TRIO: variants seen among roughly 807,000 people sequenced by gnomAD.
TRIO encodes trio Rho guanine nucleotide exchange factor.
In TRIO, 58 loss-of-function variants were observed where a neutral mutation model predicts 351.9. The observed-to-expected ratio is 0.16, with a 90% CI of 0.13 to 0.21. The LOEUF (loss-of-function observed/expected upper bound fraction) is 0.21, where lower values mean the gene tolerates loss of function less well. Among genes scored for constraint, TRIO ranks in the 10% least tolerant of loss-of-function variants. The pLI, the probability that TRIO is intolerant of heterozygous loss-of-function variation, is 1.00. For synonymous variants in TRIO, 1,758 were observed against 1,595.7 expected (o/e 1.10, Z -2.42); for missense variants, 3,201 against 4,027.8 (o/e 0.79, Z 5.56).
intron 1 of TRIO, among the ~76,000 whole-genome samples, chr5:14,223,779 T>G (rs1273638517): frequency 6.6e-6 from 1 of 152,204 alleles, no homozygotes; most frequent in Non-Finnish European, 1.5e-5. Context: ...GCTTCCTCTC[T>G]TTGTAAATGT....
chr5:14,501,553 A>G (rs1483467233), intron 53 of TRIO, among the ~76,000 whole-genome samples: 1 of 152,212 alleles, frequency 6.6e-6, no homozygotes, highest in South Asian at 2.1e-4. Flanking sequence ...GCCCACTGCT[A>G]TGTGAGGAGA....
chr5:14,359,568 G>A, intron 13 of TRIO, 37 bp downstream of exon 13: 1 of 1,604,412 alleles, frequency 6.2e-7, no homozygotes, highest in South Asian at 1.1e-5. Context: ...CTGCCTGTGG[G>A]AGCCCTTGGC....
chr5:14,144,953 C>T (rs964785562), intron 1 of TRIO, among the ~76,000 whole-genome samples: 4 of 152,054 alleles, frequency 2.6e-5, no homozygotes, highest in African/African-American at 9.7e-5. Context: ...GAGCGCAGTC[C>T]TTAGCGGGCC....
At chr5:14,429,080 T>C (rs1043557631) in intron 34 of TRIO, among the ~76,000 whole-genome samples, 15 of 152,238 alleles carry the variant, frequency 9.9e-5, no homozygotes, top group African/African-American at 3.4e-4. Flanking sequence ...TGTGAAAAAT[T>C]ACAGAGAGAT....
intron 2 of TRIO, among the ~76,000 whole-genome samples, chr5:14,275,279 G>C (rs1212280668): frequency 6.6e-6 from 1 of 151,924 alleles, no homozygotes. Context: ...TTTTCTTCTT[G>C]TCTTGGTCCT....
At chr5:14,380,257 T>C (rs954624591) in intron 20 of TRIO, among the ~76,000 whole-genome samples, 2 of 152,084 alleles carry the variant, frequency 1.3e-5, no homozygotes, top group African/African-American at 4.8e-5. Context: ...CAGTTCCCTC[T>C]TCCCGGCGCC....
At chr5:14,189,180 A>G (rs900597380) in intron 1 of TRIO, among the ~76,000 whole-genome samples, 20 of 152,212 alleles carry the variant, frequency 1.3e-4, no homozygotes, top group African/African-American at 4.8e-4. Context: ...GTAAAAATGT[A>G]TCTATATGTT....
At chr5:14,274,128 A>T (rs994931252) in intron 2 of TRIO, among the ~76,000 whole-genome samples, 1 of 152,100 alleles carries the variant, frequency 6.6e-6, no homozygotes, top group Non-Finnish European at 1.5e-5. Context: ...CCCCCAAAAA[A>T]CCCGATAGGT....
rs1414775072 is a variant in TRIO, at chr5:14,409,345, G to A, written c.4959+2673G>A. 9.8e-5 allele frequency among the ~76,000 whole-genome samples: 12 copies of A among 121,894 alleles called. No individual in the cohort carries two copies. The Admixed American group carries it at 1.1e-3, about 11-fold the overall frequency. The allele number at this position is 121,894 out of a possible 152,430, so 80.0% of individuals were successfully genotyped here. On this transcript the variant is annotated intron_variant, in intron 33 of 56. Transcript: ENST00000344204. ...ATATTTGTATCCAACGAAAGAGGAA[G>A]AATAAATCACTACCAGAACAGTATA... is the stretch of plus-strand genomic sequence containing the variant.
chr5:14,365,273 G>A (rs545289878), intron 15 of TRIO, among the ~76,000 whole-genome samples: 3 of 152,342 alleles, frequency 2.0e-5, no homozygotes, highest in Non-Finnish European at 4.4e-5. Context: ...AATGGGACAT[G>A]GGGAAGGGAT....
chr5:14,419,498 A>C (rs1057203639), intron 33 of TRIO, among the ~76,000 whole-genome samples: 1 of 152,204 alleles, frequency 6.6e-6, no homozygotes, highest in Admixed American at 6.5e-5. Flanking sequence ...GATAGCCTTC[A>C]AGCAGAGTTT....
chr5:14,475,929 G>A (rs1321178615), intron 40 of TRIO, among the ~76,000 whole-genome samples: 1 of 152,222 alleles, frequency 6.6e-6, no homozygotes, highest in Non-Finnish European at 1.5e-5. Context: ...ATATATTTAA[G>A]TGATAACTAA....
In TRIO at chr5:14,419,968, G is replaced by A. The variant is rs757498072; in HGVS notation, c.5150G>A (p.Cys1717Tyr). ...AEGLVPCGSL[C>Y]IAHSRSSMEM... ...GGCCTGGTCCCCTGTGGTTCACTGTGCATCGCCCACTCCAGAAGTAGCATG... is the reference window on the plus strand; with the variant it reads ...GGCCTGGTCCCCTGTGGTTCACTGTACATCGCCCACTCCAGAAGTAGCATG... The change falls in exon 34 of 57, where the codon TGC becomes TAC. Residue 1717 changes from cysteine (C) to tyrosine (Y), a missense_variant. Physicochemically the swap from Cys to Tyr is radical, Grantham distance 194. Coordinates refer to ENST00000344204, the MANE Select transcript of TRIO (RefSeq NM_007118.4). 1 of 1,614,226 alleles carries A rather than the reference G, an allele frequency of 6.2e-7. No individual in the cohort carries two copies. Among genetic ancestry groups the A allele is most frequent in the South Asian group, 1.1e-5 (1 of 91,086 alleles).
Position 14,366,951 on chromosome 5 carries a change from A to T in TRIO, c.2846A>T (p.Glu949Val), listed in dbSNP as rs1217397707. The T allele has an allele frequency of 1.2e-6, 2 of 1,614,024 alleles. No individual in the cohort carries two copies. Among genetic ancestry groups the T allele is most frequent in the Non-Finnish European group, 8.5e-7 (1 of 1,180,044 alleles). ...CAAGAGGCAGAGCAGCTCCAGCGAG[A>T]GCACGAGCAGTTCCAGCATGCCATT... ...SLQEAEQLQR[E>V]HEQFQHAIEK... Residue 949 changes from glutamate (E) to valine (V), a missense_variant, in exon 16 of 57, where the codon GAG becomes GTG. Physicochemically the swap from Glu to Val is moderately radical, Grantham distance 121. Around this residue, in one of 19 missense-constraint regions of TRIO, gnomAD observed 363 missense variants for 553.5 expected, o/e 0.66. Transcript: ENST00000344204.
At chr5:14,456,175 C>G (rs558156276) in intron 34 of TRIO, among the ~76,000 whole-genome samples, 13 of 152,362 alleles carry the variant, frequency 8.5e-5, no homozygotes, top group African/African-American at 3.1e-4. Context: ...GCAGGGCCCG[C>G]TGAGCACACG....
chr5:14,443,016 G>T (rs1752184468), intron 34 of TRIO, among the ~76,000 whole-genome samples: 1 of 152,200 alleles, frequency 6.6e-6, no homozygotes, highest in African/African-American at 2.4e-5. Flanking sequence ...TCTTTCTGTA[G>T]AGGGAATTTT....
intron 33 of TRIO, among the ~76,000 whole-genome samples, chr5:14,410,824 C>T (rs548203945): frequency 1.6e-4 from 24 of 152,266 alleles, no homozygotes; most frequent in African/African-American, 5.5e-4. Flanking sequence ...GTCAGCAGAG[C>T]GGGGTTAGCC....
chr5:14,298,268 C>T (rs968573577), intron 7 of TRIO, among the ~76,000 whole-genome samples: 25 of 152,088 alleles, frequency 1.6e-4, no homozygotes, highest in East Asian at 3.9e-4. Flanking sequence ...CTTAAACAAA[C>T]GCTCTGAAAG....
intron 1 of TRIO, among the ~76,000 whole-genome samples, chr5:14,220,368 C>A (rs887519728): frequency 3.3e-5 from 5 of 152,148 alleles, no homozygotes; most frequent in African/African-American, 1.2e-4. Flanking sequence ...TCTCCTCAGG[C>A]CTCCTATTTT....
Sources: gnomAD v4.1 joint callset for allele counts (sites outside exome capture counted in the v4.1 genomes callset) on GRCh38, gnomAD v4.1.1 for gene constraint, gnomAD v4.1.1 regional missense constraint, MANE v1.5 for transcripts, NCBI Gene and HGNC (gene_info 2026-07-23, HGNC 2026-07-21) for gene names.